TJP2: variants seen among roughly 807,000 people sequenced by gnomAD.
TJP2 encodes the protein tight junction protein 2, also known as Friedreich ataxia region gene X104 (tight junction protein ZO-2).
TJP2 carries 91 observed loss-of-function variants against 133.1 expected under a neutral mutation model. The ratio of observed to expected loss-of-function variants is 0.68; its 90% confidence interval spans 0.58 to 0.81. The LOEUF (loss-of-function observed/expected upper bound fraction) is 0.81, where lower values mean the gene tolerates loss of function less well. Ranked by LOEUF, TJP2 falls within the 40% of genes least tolerant of loss-of-function variation. The pLI, the probability that TJP2 is intolerant of heterozygous loss-of-function variation, is 0.00. For synonymous variants in TJP2, 592 were observed against 583.4 expected (o/e 1.01, Z -0.21); for missense variants, 1,541 against 1,565.6 (o/e 0.98, Z 0.26).
chr9:69,229,012 C>T (rs1242046942), intron 9 of TJP2, among the ~76,000 whole-genome samples, 172 bp from the exon 10 acceptor site: 2 of 152,102 alleles, frequency 1.3e-5, no homozygotes, highest in Non-Finnish European at 2.9e-5. Flanking sequence ...TTTGAGAAAC[C>T]ATTGGCACCT....
At position 69,216,333 on chromosome 9, in the gene TJP2, G is replaced by A. The variant is rs780834873; in HGVS notation, c.115-6G>A. The A allele has an allele frequency of 9.9e-6, 16 of 1,614,090 alleles. No individual in the cohort carries two copies. The highest frequency in any genetic ancestry group is 1.7e-5 in the Admixed American group (1 of 60,020). Reference sequence around the variant, plus strand: ...ATTTTTAATATTTCTCCTCTCTGATGTACAGGATTCCAAAAGAGGATTTGG... The same window carrying A: ...ATTTTTAATATTTCTCCTCTCTGATATACAGGATTCCAAAAGAGGATTTGG... On this transcript the variant is annotated splice_polypyrimidine_tract_variant and splice_region_variant and intron_variant, in intron 2 of 22. Transcript: ENST00000377245.
intron 2 of TJP2, among the ~76,000 whole-genome samples, chr9:69,155,195 G>C (rs995034305): frequency 4.1e-5 from 6 of 147,480 alleles, no homozygotes; most frequent in Non-Finnish European, 8.9e-5. Context: ...CTCCAGCCTG[G>C]GTGAAAGGGC....
At chr9:69,217,003 T>G (rs1454227061) in intron 3 of TJP2, among the ~76,000 whole-genome samples, 1 of 151,524 alleles carries the variant, frequency 6.6e-6, no homozygotes, top group Non-Finnish European at 1.5e-5. Flanking sequence ...TTTTTTTTTT[T>G]TTTCAGACAG....
At chr9:69,227,945 ATC>A (rs1829474081) in intron 8 of TJP2, 34 bp from the exon 9 acceptor site, 2 of 1,614,118 alleles carry the variant, frequency 1.2e-6, no homozygotes, top group Non-Finnish European at 1.7e-6. Context: ...TGAAACTGTT[ATC>A]TCTTGAGACA....
At chr9:69,235,953 G>A in intron 12 of TJP2, 75 bp from the exon 13 acceptor site, 1 of 1,374,650 alleles carries the variant, frequency 7.3e-7, no homozygotes, top group East Asian at 2.3e-5. Context: ...TCAGAGATAG[G>A]AGAAGCTGTG....
intron 15 of TJP2, 27 bp from the exon 16 acceptor site, chr9:69,238,683 T>C: frequency 6.3e-7 from 1 of 1,597,696 alleles, no homozygotes; most frequent in South Asian, 1.1e-5. Flanking sequence ...TAAACAATTA[T>C]TTAGCTTCCT....
intron 4 of TJP2, among the ~76,000 whole-genome samples, chr9:69,219,516 A>G (rs967198249): frequency 6.6e-6 from 1 of 152,174 alleles, no homozygotes; most frequent in Non-Finnish European, 1.5e-5. Flanking sequence ...ACATTCATCT[A>G]TATAATACTA....
intron 1 of TJP2, among the ~76,000 whole-genome samples, chr9:69,186,097 C>G (rs1214063138): frequency 6.6e-6 from 1 of 152,098 alleles, no homozygotes; most frequent in East Asian, 1.9e-4. Flanking sequence ...ATTTAAAAAT[C>G]TTGAACCAAT....
chr9:69,223,317 TTTTG>T lies in TJP2; in HGVS notation c.952+1825_952+1828del, dbSNP rs1236657165. On this transcript the variant is annotated intron_variant, in intron 5 of 22. Transcript: ENST00000377245. Reference sequence around the variant, plus strand: ...TTTTGTTTTGTTTTGTTTTGTTTTGTTTTGTTTTGAGACGGAGTCTCGCTCTTTC... The same window carrying T: ...TTTTGTTTTGTTTTGTTTTGTTTTGTTTTTGAGACGGAGTCTCGCTCTTTC... Among the ~76,000 whole-genome samples the T allele has an allele frequency of 7.7e-3, 1,169 of 152,096 alleles. 9 individuals are homozygous for T. Among genetic ancestry groups the T allele is most frequent in the African/African-American group, 0.027 (1,108 of 41,512 alleles).
intron 1 of TJP2, among the ~76,000 whole-genome samples, chr9:69,122,835 A>T (rs1375978587): frequency 6.6e-6 from 1 of 152,192 alleles, no homozygotes; most frequent in Non-Finnish European, 1.5e-5. Flanking sequence ...ACGCATTTCC[A>T]CAAACGTGGT....
chr9:69,198,012 G>T lies in TJP2; in HGVS notation c.61-14536G>T, dbSNP rs779355634. On this transcript the variant is annotated intron_variant, in intron 1 of 22. Transcript: ENST00000377245. ...GAATTGAGTGAGCGCCCAAGCTCAT[G>T]GGTGAATTGAGGCGCAGTCTTGGAT... Among the ~76,000 whole-genome samples, 68 of 152,332 alleles carry T rather than the reference G, an allele frequency of 4.5e-4. 1 individual carries two copies. The highest frequency in any genetic ancestry group is 6.8e-3 in the Middle Eastern group (2 of 294).
chr9:69,195,937 C>T (rs1016097905), intron 1 of TJP2, among the ~76,000 whole-genome samples: 1 of 152,172 alleles, frequency 6.6e-6, no homozygotes, highest in African/African-American at 2.4e-5. Flanking sequence ...GTCTGGTGCC[C>T]AAGCACCAAC....
chr9:69,144,695 T>G (rs1823141527), intron 1 of TJP2, among the ~76,000 whole-genome samples: 1 of 152,196 alleles, frequency 6.6e-6, no homozygotes, highest in Admixed American at 6.5e-5. Flanking sequence ...TGTCATGACA[T>G]TTTTCTTGGT....
chr9:69,122,058 AATC>A (rs1018501571), intron 1 of TJP2: 33 of 152,154 alleles, frequency 2.2e-4, no homozygotes, highest in African/African-American at 6.8e-4. Flanking sequence ...TCTCTGGGGG[AATC>A]ATCAACAGGT....
intron 1 of TJP2, among the ~76,000 whole-genome samples, chr9:69,199,507 G>A (rs1367418344): frequency 1.3e-5 from 2 of 151,884 alleles, no homozygotes; most frequent in African/African-American, 4.8e-5. Flanking sequence ...TCCAGCCTGG[G>A]CGACAGAACA....
At chr9:69,199,243 A>G (rs1362861512) in intron 1 of TJP2, among the ~76,000 whole-genome samples, 3 of 152,150 alleles carry the variant, frequency 2.0e-5, no homozygotes, top group Non-Finnish European at 4.4e-5. Context: ...ACACAACATA[A>G]TACCAGAGGG....
At chr9:69,221,559 ATT>A in intron 5 of TJP2, 63 bp downstream of exon 5, 3 of 1,291,764 alleles carry the variant, frequency 2.3e-6, no homozygotes, top group Non-Finnish European at 2.1e-6. Flanking sequence ...TGTTTTCTTA[ATT>A]TTTTTTTTTC....
chr9:69,210,337 A>G (rs1827799398), intron 1 of TJP2, among the ~76,000 whole-genome samples: 1 of 122,418 alleles, frequency 8.2e-6, no homozygotes, highest in Non-Finnish European at 1.6e-5. Flanking sequence ...TGCTTCAGTT[A>G]TATTAATTGA....
intron 11 of TJP2, among the ~76,000 whole-genome samples, chr9:69,232,710 G>C (rs1829879313): frequency 6.6e-6 from 1 of 152,114 alleles, no homozygotes; most frequent in African/African-American, 2.4e-5. Flanking sequence ...TTCCTGCTTG[G>C]CTGAACTACC....
Sources: allele counts gnomAD v4.1 joint callset (sites outside exome capture counted in the v4.1 genomes callset), GRCh38; gene constraint gnomAD v4.1.1; transcripts MANE v1.5; gene names NCBI Gene and HGNC (gene_info 2026-07-23, HGNC 2026-07-21).